The following SLC51B variants were observed in gnomAD, a reference collection of about 807,000 sequenced individuals.
SLC51B encodes the protein SLC51 subunit beta, also known as organic solute transporter subunit beta.
Under a neutral mutation model 8.0 loss-of-function variants are expected in SLC51B, and 6 were observed. The observed-to-expected ratio is 0.75, with a 90% CI of 0.41 to 1.48. SLC51B has a LOEUF of 1.48. Among genes scored for constraint, SLC51B ranks in the 40% most tolerant of loss-of-function variants. The pLI is 0.01. For synonymous variants in SLC51B, 61 were observed against 54.8 expected (o/e 1.11, Z -0.50); for missense variants, 150 against 149.7 (o/e 1.00, Z -0.01).
chr15:65,051,455 A>G, intron 2 of SLC51B, 60 bp from the exon 3 acceptor site: 1 of 1,519,666 alleles, frequency 6.6e-7, no homozygotes, highest in Non-Finnish European at 9.1e-7. Context: ...CCCAGCTGTT[A>G]GCGGGCTTGA....
intron 3 of SLC51B, among the ~76,000 whole-genome samples, chr15:65,052,610 T>A (rs1354493706): frequency 2.0e-5 from 3 of 152,080 alleles, no homozygotes; most frequent in Admixed American, 6.5e-5. Context: ...TTGGCCAGAC[T>A]GGTCTCAAAC....
At chr15:65,050,296 C>T (rs2086632859) in intron 2 of SLC51B, among the ~76,000 whole-genome samples, 195 bp downstream of exon 2, 1 of 152,162 alleles carries the variant, frequency 6.6e-6, no homozygotes, top group African/African-American at 2.4e-5. Flanking sequence ...AGGGTGTGGT[C>T]GCTTATTTAT....
chr15:65,052,462 A>G (rs972919226), intron 3 of SLC51B, among the ~76,000 whole-genome samples: 28 of 142,548 alleles, frequency 2.0e-4, no homozygotes, highest in Non-Finnish European at 3.0e-5. Flanking sequence ...GTGCAGTGGC[A>G]CAATCTCGGC....
intron 1 of SLC51B, among the ~76,000 whole-genome samples, chr15:65,046,734 G>C (rs1362655698): frequency 1.3e-5 from 2 of 152,092 alleles, no homozygotes; most frequent in Non-Finnish European, 2.9e-5. Context: ...GCAAGATGAT[G>C]AAACCCCATC....
At position 65,045,487 on chromosome 15, in the gene SLC51B, C is replaced by G. The variant is rs888496802; in HGVS notation, c.-204C>G. On this transcript the variant is annotated 5_prime_UTR_variant, in exon 1 of 4. It adds an upstream start codon to the 5' untranslated region. Transcript: ENST00000334287. Reference sequence around the variant, plus strand: ...GGGAGAGCTCAAGTGCAAAGACTATCCTGTTCTCCCATAAAGAGGAGGAAA... The same window carrying G: ...GGGAGAGCTCAAGTGCAAAGACTATGCTGTTCTCCCATAAAGAGGAGGAAA... The G allele has an allele frequency of 6.6e-6, 1 of 152,254 alleles. No homozygotes were observed. Among genetic ancestry groups the G allele is most frequent in the East Asian group, 1.9e-4 (1 of 5,200 alleles). 9.4% of individuals were successfully genotyped at this position (152,254 alleles called of 1,614,324 possible). A position where few individuals can be genotyped will look rare whatever the true frequency, so the allele number is the denominator to read the frequency against.
At chr15:65,052,399 CTTTTTTTTT>C (rs34021026) in intron 3 of SLC51B, among the ~76,000 whole-genome samples, 1 of 76,346 alleles carries the variant, frequency 1.3e-5, no homozygotes, top group African/African-American at 5.0e-5. Context: ...GCATCCTTGG[CTTTTTTTTT>C]TTTTTTTTTT....
chr15:65,047,775 TAGAC>T (rs994410347), intron 1 of SLC51B, among the ~76,000 whole-genome samples: 47 of 145,226 alleles, frequency 3.2e-4, no homozygotes, highest in African/African-American at 7.7e-4. Context: ...GATAGATAGA[TAGAC>T]AGATAGATCG....
chr15:65,049,835 G>C (rs2086625872), intron 1 of SLC51B, 62 bp from the exon 2 acceptor site: 1 of 430,858 alleles, frequency 2.3e-6, no homozygotes, highest in Non-Finnish European at 4.2e-6. Flanking sequence ...ATCTGGATTT[G>C]GGCACAGAGG....
intron 2 of SLC51B, 59 bp downstream of exon 2, chr15:65,050,160 T>G (rs1595900174): frequency 7.1e-7 from 1 of 1,417,730 alleles, no homozygotes; most frequent in South Asian, 1.3e-5. Flanking sequence ...CAGAGCAGAG[T>G]TTGGCTGAAG....
At chr15:65,048,940 G>A (rs1385270543) in intron 1 of SLC51B, among the ~76,000 whole-genome samples, 3 of 151,180 alleles carry the variant, frequency 2.0e-5, no homozygotes, top group Non-Finnish European at 2.9e-5. Flanking sequence ...AACCTGGGAG[G>A]CGGAGGTTGC....
chr15:65,050,139 G>A (rs1179816263), intron 2 of SLC51B, 38 bp downstream of exon 2: 4 of 1,506,166 alleles, frequency 2.7e-6, no homozygotes, highest in African/African-American at 1.4e-5. Context: ...GTGGGGGTGT[G>A]CCCCTCAACA....
rs922582657 is a variant in SLC51B, at chr15:65,045,436, C to T, written c.-255C>T. The T allele has an allele frequency of 6.6e-6, 1 of 152,228 alleles. No homozygotes were observed. Among genetic ancestry groups the T allele is most frequent in the Non-Finnish European group, 1.5e-5 (1 of 68,064 alleles). 9.4% of individuals were successfully genotyped at this position (152,228 alleles called of 1,614,324 possible). ...CTGCCGCAGGCTCTCCAGGCACTGT[C>T]CCCTAAGTGACAGCTGTTACTGCCT... On this transcript the variant is annotated 5_prime_UTR_variant, in exon 1 of 4. Coordinates refer to ENST00000334287, the MANE Select transcript of SLC51B (RefSeq NM_178859.4).
Position 65,053,240 on chromosome 15 carries a change from T to C in SLC51B, c.*76T>C. 1 of 1,538,186 alleles carries C rather than the reference T, an allele frequency of 6.5e-7. No homozygotes were observed. Among genetic ancestry groups the C allele is most frequent in the Non-Finnish European group, 8.7e-7 (1 of 1,148,412 alleles). ...GCTCAGTGGCCTGAAACCTCTCAGG[T>C]TTTAGAGTCTCTCCCAAGAAGCCGC... On this transcript the variant is annotated 3_prime_UTR_variant, in exon 4 of 4. Coordinates refer to ENST00000334287, the MANE Select transcript of SLC51B (RefSeq NM_178859.4).
intron 1 of SLC51B, among the ~76,000 whole-genome samples, chr15:65,048,562 T>C (rs1368185828): frequency 1.3e-5 from 2 of 152,214 alleles, no homozygotes; most frequent in Non-Finnish European, 2.9e-5. Flanking sequence ...CCCTGTACAC[T>C]TTTTTTCTTG....
chr15:65,049,965 G>A lies in SLC51B; in HGVS notation c.-40G>A, dbSNP rs2086627375. The A allele has an allele frequency of 3.3e-6, 5 of 1,514,494 alleles. No homozygotes were observed. The highest frequency in any genetic ancestry group is 4.5e-6 in the Non-Finnish European group (5 of 1,117,080). 93.8% of individuals were successfully genotyped at this position (1,514,494 alleles called of 1,614,324 possible). On this transcript the variant is annotated 5_prime_UTR_variant, in exon 2 of 4. Transcript: ENST00000334287. ...CCAGGAGGGCTGCTGGGGCTAAGGG[G>A]TCTAAGGACCTCGTTGCACACGCTA...
In SLC51B at chr15:65,051,567, A is replaced by T; in HGVS notation, c.150A>T (p.Ile50=). ...CCCTGGCAGCTGTGGTGGTCATTAT[A>T]AGCATGGTCCTCCTGGGAAGAAGCA... ...ILALAAVVVI[I]SMVLLGRSIQ... The change falls in exon 3 of 4, where the codon ATA becomes ATT. Residue 50 remains isoleucine (I), a synonymous_variant. Coordinates refer to ENST00000334287, the MANE Select transcript of SLC51B (RefSeq NM_178859.4). 6.2e-7 allele frequency: 1 copy of T among 1,613,430 alleles called. No homozygotes were observed. The highest frequency in any genetic ancestry group is 1.3e-5 in the African/African-American group (1 of 74,892).
At chr15:65,045,884 G>C (rs2086570394) in intron 1 of SLC51B, among the ~76,000 whole-genome samples, 1 of 152,258 alleles carries the variant, frequency 6.6e-6, no homozygotes, top group African/African-American at 2.4e-5. Flanking sequence ...ATATGTCTTT[G>C]GCCGGGCGCA....
At chr15:65,047,257 ACCTGGGAGGCGGTGGTTGCAGTGAG>A (rs1285190121) in intron 1 of SLC51B, among the ~76,000 whole-genome samples, 1 of 151,208 alleles carries the variant, frequency 6.6e-6, no homozygotes, top group Non-Finnish European at 1.5e-5. Flanking sequence ...AATTTCTTGA[ACCTGGGAGGCGGTGGTTGCAGTGAG>A]CCGAGATCAC....
chr15:65,053,155 TGA>T lies in SLC51B; in HGVS notation c.382_383del (p.Ser128LeufsTer58). On this transcript the variant is annotated frameshift_variant, in exon 4 of 4. Transcript: ENST00000334287. LOFTEE classifies it high-confidence loss of function. Reference sequence around the variant, plus strand: ...TTTTCCTTCCGGATGTACCAGAAACTGAGAGCTAGTGAGGGTTCAGAGAAGCC... The same window carrying T: ...TTTTCCTTCCGGATGTACCAGAAACTGAGCTAGTGAGGGTTCAGAGAAGCC... Reference protein sequence around the residue: ...SVFLPDVPETES With the variant: ...SVFLPDVPETXS The T allele has an allele frequency of 6.2e-7, 1 of 1,613,850 alleles. No individual in the cohort carries two copies. Among genetic ancestry groups the T allele is most frequent in the East Asian group, 2.2e-5 (1 of 44,876 alleles).
Sources: gnomAD v4.1 joint callset for allele counts (sites outside exome capture counted in the v4.1 genomes callset) on GRCh38, gnomAD v4.1.1 for gene constraint, MANE v1.5 for transcripts, NCBI Gene and HGNC (gene_info 2026-07-23, HGNC 2026-07-21) for gene names.